The following ANKRD28 variants were observed in gnomAD, a reference collection of about 807,000 sequenced individuals.
The protein encoded by ANKRD28 is ankyrin repeat domain 28.
Under a neutral mutation model 126.5 loss-of-function variants are expected in ANKRD28, and 44 were observed. The ratio of observed to expected loss-of-function variants is 0.35; its 90% CI spans 0.27 to 0.45. ANKRD28 has a LOEUF of 0.45. ANKRD28 is among the 20% of genes least tolerant of loss of function. The pLI is 1.00. For missense variants in ANKRD28, 1,110 were observed against 1,316.6 expected (o/e 0.84, Z 2.43); for synonymous variants, 442 against 468.5 (o/e 0.94, Z 0.73).
In ANKRD28 at chr3:15,777,604, T is replaced by C. The variant is rs1303633015; in HGVS notation, c.202-11292A>G. ...TGTGTTCTAAATGATGAGTTTATTA[T>C]CTTTTGAACTAGTCAAGTGTCAGCT... On this transcript the variant is annotated intron_variant, in intron 2 of 27. Transcript: ENST00000683139. 2.6e-5 allele frequency among the ~76,000 whole-genome samples: 4 copies of C among 152,172 alleles called. 1 individual carries two copies. In the South Asian group the frequency reaches 6.2e-4, roughly 24 times the overall value.
At position 15,669,561 on chromosome 3, in the gene ANKRD28, TA is replaced by T. The variant is rs1463752363; in HGVS notation, c.*708del. 6.6e-6 allele frequency: 1 copy of T among 152,144 alleles called. No individual in the cohort carries two copies. The highest frequency in any genetic ancestry group is 2.4e-5 in the African/African-American group (1 of 41,422). 9.4% of individuals were successfully genotyped at this position (152,144 alleles called of 1,614,324 possible). On this transcript the variant is annotated 3_prime_UTR_variant, in exon 28 of 28. Transcript: ENST00000683139. ...CACCCAGTCAGCTGGTTTTTAATTC[TA>T]ATAGTATAAAAATTGGAAATTTGAA...
chr3:15,793,750 T>C (rs1245718776), intron 2 of ANKRD28, among the ~76,000 whole-genome samples: 3 of 152,176 alleles, frequency 2.0e-5, no homozygotes, highest in Non-Finnish European at 2.9e-5. Flanking sequence ...CTGGGTAAAG[T>C]AGCCAGACAC....
intron 27 of ANKRD28, among the ~76,000 whole-genome samples, chr3:15,671,328 G>A (rs1342625174): frequency 2.0e-5 from 3 of 152,110 alleles, no homozygotes; most frequent in Non-Finnish European, 4.4e-5. Context: ...AGGACGGAGC[G>A]GGAGAGAAGT....
intron 4 of ANKRD28, chr3:15,738,945 T>C (rs947646940): frequency 2.0e-5 from 3 of 152,214 alleles, no homozygotes; most frequent in Non-Finnish European, 4.4e-5. Context: ...CTCAGGGATG[T>C]TCCTTGCTGA....
At chr3:15,755,384 G>C (rs190354974) in intron 3 of ANKRD28, among the ~76,000 whole-genome samples, 4 of 152,192 alleles carry the variant, frequency 2.6e-5, no homozygotes, top group African/African-American at 9.6e-5. Context: ...ATGAAAAAGA[G>C]TGTAAAAGCA....
intron 1 of ANKRD28, among the ~76,000 whole-genome samples, chr3:15,837,226 T>C (rs2125956001): frequency 6.6e-6 from 1 of 152,156 alleles, no homozygotes; most frequent in South Asian, 2.1e-4. Flanking sequence ...GAGACTTCTA[T>C]GTTCCACCCT....
intron 3 of ANKRD28, among the ~76,000 whole-genome samples, chr3:15,762,835 C>T (rs191002192): frequency 0.019 from 2,921 of 152,220 alleles, 96 homozygotes; most frequent in African/African-American, 0.066. Flanking sequence ...GACATAATCT[C>T]ATTTGCTTCT....
At chr3:15,785,632 C>CTT (rs2125728807) in intron 2 of ANKRD28, among the ~76,000 whole-genome samples, 1 of 152,190 alleles carries the variant, frequency 6.6e-6, no homozygotes, top group African/African-American at 2.4e-5. Context: ...CACTGGTAAA[C>CTT]AGCCACTTTG....
chr3:15,730,105 C>CT (rs2074470889), intron 6 of ANKRD28, among the ~76,000 whole-genome samples: 1 of 152,130 alleles, frequency 6.6e-6, no homozygotes, highest in African/African-American at 2.4e-5. Context: ...ATCTTCCCAC[C>CT]TCAGCCTCCC....
In ANKRD28 at chr3:15,670,303, A is replaced by G. The variant is rs763400716; in HGVS notation, c.3219T>C (p.Asp1073=). Residue 1073 remains aspartate, a synonymous_variant, in exon 28 of 28, where the codon GAT becomes GAC. Transcript: ENST00000683139. ...TCTCAGAATCGGAGTCGTTGAGCTC[A>G]TCCACGTCAGTGTATAAGTACTCCT... is the stretch of plus-strand genomic sequence containing the variant. The part of the protein sequence containing the change: ...GEQEYLYTDV[D]ELNDSDSETY 6 of 1,613,834 alleles carry G rather than the reference A, an allele frequency of 3.7e-6. No individual in the cohort carries two copies. Among genetic ancestry groups the G allele is most frequent in the Non-Finnish European group, 5.1e-6 (6 of 1,179,832 alleles).
chr3:15,668,555 A>G lies in ANKRD28; in HGVS notation c.*1715T>C, dbSNP rs2066098705. ...AAATCTAGTAGTCAATGCCCTAGAA[A>G]CTTTATAGATTTGTAGATAATATGC... is the stretch of plus-strand genomic sequence containing the variant. On this transcript the variant is annotated 3_prime_UTR_variant, in exon 28 of 28. Coordinates refer to ENST00000683139, the MANE Select transcript of ANKRD28 (RefSeq NM_001349278.2). 6.6e-6 allele frequency: 1 copy of G among 152,518 alleles called. No homozygotes were observed. 9.4% of individuals were successfully genotyped at this position (152,518 alleles called of 1,614,324 possible).
chr3:15,670,582 A>G, intron 27 of ANKRD28, 26 bp from the exon 28 acceptor site: 1 of 1,597,636 alleles, frequency 6.3e-7, no homozygotes, highest in Non-Finnish European at 8.5e-7. Flanking sequence ...AAATTTAAAA[A>G]TTAAGCATCC....
At chr3:15,685,777 C>G (rs2125765131) in intron 20 of ANKRD28, among the ~76,000 whole-genome samples, 1 of 152,240 alleles carries the variant, frequency 6.6e-6, no homozygotes, top group Middle Eastern at 3.4e-3. Context: ...ATTAATTCTA[C>G]TAAAAGTTTT....
chr3:15,676,775 T>A, intron 26 of ANKRD28, 199 bp downstream of exon 26: 1 of 430,524 alleles, frequency 2.3e-6, no homozygotes, highest in Non-Finnish European at 4.1e-6. Context: ...TATAATAAAA[T>A]TTCAGTTCAA....
chr3:15,846,604 AG>A lies in ANKRD28; in HGVS notation c.27+12772del, dbSNP rs1207646350. On this transcript the variant is annotated intron_variant, in intron 1 of 27. Coordinates refer to the ANKRD28 transcript ENST00000399451. The surrounding 1 kb of genome is among the most constrained non-coding windows in gnomAD (Gnocchi z 5.4). ...TTCTGACCATTTTATAACAATCGAA[AG>A]AGCTCCACTGATTAAAGTAATAGTG... Among the ~76,000 whole-genome samples the A allele has an allele frequency of 6.6e-6, 1 of 152,264 alleles. No homozygotes were observed. The highest frequency in any genetic ancestry group is 1.5e-5 in the Non-Finnish European group (1 of 68,046).
chr3:15,672,674 C>T (rs893251099), intron 27 of ANKRD28, among the ~76,000 whole-genome samples: 17 of 152,358 alleles, frequency 1.1e-4, no homozygotes, highest in African/African-American at 4.1e-4. Flanking sequence ...CAACCCATTA[C>T]ATAGGCCAGG....
At chr3:15,720,265 A>T (rs2073564708) in intron 8 of ANKRD28, among the ~76,000 whole-genome samples, 1 of 152,126 alleles carries the variant, frequency 6.6e-6, no homozygotes. Flanking sequence ...ACACACTGAC[A>T]GTTTTTTTTC....
intron 1 of ANKRD28, among the ~76,000 whole-genome samples, chr3:15,844,724 T>C (rs2061494608): frequency 6.6e-6 from 1 of 152,030 alleles, no homozygotes; most frequent in Non-Finnish European, 1.5e-5. Context: ...AGTTAAACAG[T>C]CACTGCACTT....
rs1026164428 is a variant in ANKRD28 at position 15,796,560 on chromosome 3, A to C, written c.-39T>G. On this transcript the variant is annotated 5_prime_UTR_variant, in exon 1 of 28. Coordinates refer to ENST00000683139, the MANE Select transcript of ANKRD28 (RefSeq NM_001349278.2). ...ACACTAAATTCCAAGCTATGTGATA[A>C]AAGTCACAGTTGGAAGAGCACAAGT... The C allele has an allele frequency of 1.6e-6, 2 of 1,259,622 alleles. No individual in the cohort carries two copies. Among genetic ancestry groups the C allele is most frequent in the African/African-American group, 1.5e-5 (1 of 64,974 alleles). The allele number at this position is 1,259,622 out of a possible 1,614,324, so 78.0% of individuals were successfully genotyped here.
Sources: gnomAD v4.1 joint callset for allele counts (sites outside exome capture counted in the v4.1 genomes callset) on GRCh38, gnomAD v4.1.1 for gene constraint, Gnocchi (gnomAD v3.1) non-coding constraint, MANE v1.5 for transcripts, NCBI Gene and HGNC (gene_info 2026-07-23, HGNC 2026-07-21) for gene names.